Variants in NBAS observed in about 807,000 individuals in gnomAD.
NBAS encodes the protein NBAS subunit of NRZ tethering complex.
A neutral mutation model predicts 302.5 loss-of-function variants in NBAS; 219 were observed. The observed-to-expected ratio is 0.72, with a 90% confidence interval of 0.65 to 0.81. NBAS has a LOEUF of 0.81. Ranked by LOEUF, NBAS falls within the 30% of genes least tolerant of loss-of-function variation. The pLI is 0.00. For missense variants in NBAS, 2,932 were observed against 2,841.6 expected (o/e 1.03, Z -0.72); for synonymous variants, 1,118 against 1,021.6 (o/e 1.09, Z -1.80).
chr2:15,519,036 C>T (rs1558406942), intron 9 of NBAS, among the ~76,000 whole-genome samples: 1 of 152,084 alleles, frequency 6.6e-6, no homozygotes, highest in South Asian at 2.1e-4. Context: ...AGCCATATTA[C>T]TCTTCAACCT....
At chr2:14,821,439 C>G in the NBAS span, among the ~76,000 whole-genome samples, 1 of 152,180 alleles carries the variant, frequency 6.6e-6, no homozygotes. Flanking sequence ...CCACCCTGCC[C>G]GCTCTGGATT....
At chr2:15,296,001 C>G (rs1670533719) in intron 40 of NBAS, among the ~76,000 whole-genome samples, 1 of 151,696 alleles carries the variant, frequency 6.6e-6, no homozygotes. Flanking sequence ...GGACACAGAG[C>G]TTACTCTAAA....
At chr2:15,153,243 C>A in the NBAS span, among the ~76,000 whole-genome samples, 1 of 152,196 alleles carries the variant, frequency 6.6e-6, no homozygotes, top group Non-Finnish European at 1.5e-5. Context: ...CAGATGTTAA[C>A]CAACTCATCT....
intron 41 of NBAS, 40 bp downstream of exon 41, chr2:15,292,497 T>C: frequency 1.9e-6 from 3 of 1,595,678 alleles, no homozygotes; most frequent in Non-Finnish European, 8.6e-7. Context: ...TCTTTTGCAG[T>C]TTAAATCCAT....
chr2:14,898,416 G>A, the NBAS span, among the ~76,000 whole-genome samples: 6 of 152,142 alleles, frequency 3.9e-5, no homozygotes, highest in Non-Finnish European at 7.4e-5. Context: ...AACAACAAAT[G>A]GCAGAAAGGA....
At chr2:15,315,000 C>T (rs1013645166) in intron 38 of NBAS, among the ~76,000 whole-genome samples, 2 of 152,108 alleles carry the variant, frequency 1.3e-5, no homozygotes, top group African/African-American at 4.8e-5. Flanking sequence ...GGTGCCCTGT[C>T]GGAAGTGTGG....
chr2:15,229,862 T>C (rs1420945852), intron 47 of NBAS, among the ~76,000 whole-genome samples: 1 of 152,028 alleles, frequency 6.6e-6, no homozygotes, highest in Non-Finnish European at 1.5e-5. Flanking sequence ...AAACCACATA[T>C]TTGGTGGTGG....
Position 15,190,328 on chromosome 2 carries a change from C to T in NBAS, c.6508G>A (p.Glu2170Lys), listed in dbSNP as rs202242469. The change falls in exon 49 of 52, where the codon GAG becomes AAG. Residue 2170 changes from glutamate to lysine, a missense_variant. Transcript: ENST00000281513. The part of the protein sequence containing the change: ...FMELLESSHH[E>K]AEFQHLVLLL... ...AAAACCAAGTGCTGAAATTCAGCCT[C>T]GTGGTGACTAGATTCCAGGAGTTCC... 1.5e-5 allele frequency: 25 copies of T among 1,613,990 alleles called. No homozygotes were observed. The East Asian group carries it at 1.8e-4, about 12-fold the overall frequency.
chr2:15,166,959 G>T lies in NBAS; in HGVS notation c.*89C>A. The T allele has an allele frequency of 6.9e-7, 1 of 1,445,636 alleles. No homozygotes were observed. The highest frequency in any genetic ancestry group is 1.5e-5 in the South Asian group (1 of 65,000). The allele number at this position is 1,445,636 out of a possible 1,614,324, so 89.6% of individuals were successfully genotyped here. ...ATTTGCAATTTGTTGGAACCATGGAGAACAATCGGCAGATACACATGTTGC... is the reference window on the plus strand; with the variant it reads ...ATTTGCAATTTGTTGGAACCATGGATAACAATCGGCAGATACACATGTTGC... On this transcript the variant is annotated 3_prime_UTR_variant, in exon 52 of 52. Coordinates refer to ENST00000281513, the MANE Select transcript of NBAS (RefSeq NM_015909.4).
rs778106322 is a variant in NBAS at position 15,167,068 on chromosome 2, C to T, written c.7096G>A (p.Ala2366Thr). Residue 2366 changes from alanine (A) to threonine (T), a missense_variant, in exon 52 of 52, where the codon GCA becomes ACA. By Grantham distance (58) the Ala-to-Thr change is moderately conservative. Transcript: ENST00000281513. ...AFRTFSTALR[A>T]AQHWV ...GGCCCTCACACCCAGTGCTGTGCTG[C>T]GCGGAGGGCTGTACTGAAGGTTCTG... The T allele has an allele frequency of 3.4e-5, 55 of 1,595,208 alleles. No individual in the cohort carries two copies. Among genetic ancestry groups the T allele is most frequent in the African/African-American group, 4.0e-5 (3 of 74,690 alleles).
At chr2:15,432,008 AC>A (rs1203958201) in intron 21 of NBAS, among the ~76,000 whole-genome samples, 1 of 151,878 alleles carries the variant, frequency 6.6e-6, no homozygotes, top group African/African-American at 2.4e-5. Flanking sequence ...TTCAGAGAAA[AC>A]CCTTTTCATG....
chr2:15,299,110 G>A (rs1004415957), intron 40 of NBAS, among the ~76,000 whole-genome samples: 2 of 152,164 alleles, frequency 1.3e-5, no homozygotes, highest in African/African-American at 4.8e-5. Context: ...TAGCCTCTAG[G>A]AAGCTTATGA....
intron 48 of NBAS, among the ~76,000 whole-genome samples, chr2:15,211,373 T>G (rs1666402633): frequency 1.3e-5 from 2 of 152,206 alleles, no homozygotes; most frequent in African/African-American, 4.8e-5. Flanking sequence ...ATGTGTAAAT[T>G]GGATGACAGT....
intron 29 of NBAS, 86 bp from the exon 30 acceptor site, chr2:15,379,917 G>T: frequency 7.6e-7 from 1 of 1,320,926 alleles, no homozygotes; most frequent in Non-Finnish European, 1.1e-6. Context: ...CCAAATGAAA[G>T]AAATTAAAAA....
At chr2:15,277,867 G>A (rs1669655918) in intron 42 of NBAS, among the ~76,000 whole-genome samples, 1 of 152,066 alleles carries the variant, frequency 6.6e-6, no homozygotes, top group Non-Finnish European at 1.5e-5. Context: ...CTTCTCCCTG[G>A]ACAGAATCTG....
At chr2:15,127,817 C>A in the NBAS span, among the ~76,000 whole-genome samples, 1 of 152,074 alleles carries the variant, frequency 6.6e-6, no homozygotes, top group African/African-American at 2.4e-5. Flanking sequence ...CAAGATTGGG[C>A]TCAAATCACA....
chr2:15,506,837 T>G (rs764844988), intron 10 of NBAS, among the ~76,000 whole-genome samples: 1 of 152,148 alleles, frequency 6.6e-6, no homozygotes, highest in Non-Finnish European at 1.5e-5. Flanking sequence ...GATTTTTGTA[T>G]AAGCAATTAG....
At chr2:15,317,705 GT>G (rs1478950608) in intron 38 of NBAS, among the ~76,000 whole-genome samples, 15 of 152,224 alleles carry the variant, frequency 9.9e-5, no homozygotes, top group Non-Finnish European at 1.9e-4. Flanking sequence ...GAAAAAAAGA[GT>G]AAAAAGAAAC....
chr2:15,205,213 G>GT (rs2147844500), intron 48 of NBAS, among the ~76,000 whole-genome samples: 1 of 152,168 alleles, frequency 6.6e-6, no homozygotes, highest in East Asian at 1.9e-4. Flanking sequence ...CACAGAATTT[G>GT]TAAGATGCAT....
Sources: gnomAD v4.1 joint callset for allele counts (sites outside exome capture counted in the v4.1 genomes callset) on GRCh38, gnomAD v4.1.1 for gene constraint, MANE v1.5 for transcripts, NCBI Gene and HGNC (gene_info 2026-07-23, HGNC 2026-07-21) for gene names.